FBXO3: variants seen among roughly 807,000 people sequenced by gnomAD.
FBXO3 encodes the protein F-box only protein 3.
Under a neutral mutation model 64.8 loss-of-function variants are expected in FBXO3, and 17 were observed. The observed-to-expected ratio is 0.26, with a 90% CI of 0.18 to 0.39. The LOEUF is 0.39. FBXO3 is among the 10% of genes least tolerant of loss of function. The pLI is 1.00. For missense variants in FBXO3, 420 were observed against 589.9 expected (o/e 0.71, Z 2.98); for synonymous variants, 182 against 201.6 (o/e 0.90, Z 0.82).
intron 2 of FBXO3, among the ~76,000 whole-genome samples, chr11:33,769,950 G>C (rs1855473131): frequency 7.0e-6 from 1 of 142,406 alleles, no homozygotes; most frequent in Non-Finnish European, 1.5e-5. Flanking sequence ...AAACTAAAAA[G>C]TATCAAAGAA....
Position 33,741,829 on chromosome 11 carries a change from C to T in FBXO3, c.*79G>A, listed in dbSNP as rs554787968. 8.6e-6 allele frequency: 12 copies of T among 1,390,806 alleles called. No homozygotes were observed. The highest frequency in any genetic ancestry group is 2.1e-4 in the Middle Eastern group (1 of 4,788). 86.2% of individuals were successfully genotyped at this position (1,390,806 alleles called of 1,614,324 possible). ...TAGTTTTCCTGCTATATGCAGAGAA[C>T]AATTTAGTTATTTACATTATTGAGA... On this transcript the variant is annotated 3_prime_UTR_variant, in exon 11 of 11. Coordinates refer to ENST00000265651, the MANE Select transcript of FBXO3 (RefSeq NM_012175.4).
chr11:33,768,670 G>A, intron 3 of FBXO3, 181 bp downstream of exon 3: 1 of 627,436 alleles, frequency 1.6e-6, no homozygotes, highest in Non-Finnish European at 2.8e-6. Context: ...CCAAGGATGA[G>A]AAAAAACAGG....
chr11:33,748,357 G>A (rs1854869519), intron 9 of FBXO3, among the ~76,000 whole-genome samples: 2 of 152,176 alleles, frequency 1.3e-5, no homozygotes, highest in South Asian at 4.1e-4. Flanking sequence ...TGAAGCATCT[G>A]AGGGCTCAGA....
chr11:33,770,126 T>C (rs545250768), intron 2 of FBXO3, among the ~76,000 whole-genome samples: 30 of 152,298 alleles, frequency 2.0e-4, no homozygotes, highest in South Asian at 1.0e-3. Context: ...CGGGAAGATC[T>C]AGCAATACTT....
intron 10 of FBXO3, chr11:33,744,764 A>G (rs1854773588): frequency 6.6e-6 from 1 of 152,238 alleles, no homozygotes; most frequent in Non-Finnish European, 1.5e-5. Context: ...AGAGCTGAAC[A>G]TGAAATGGGT....
chr11:33,770,782 C>T lies in FBXO3; in HGVS notation c.153G>A (p.Pro51=), dbSNP rs991609180. Residue 51 remains proline, a synonymous_variant, in exon 2 of 11, where the codon CCG becomes CCA. Transcript: ENST00000265651. ...ATTTTTTGCAATGTCTTCTCCACAG[C>T]GGATCATGACTTGATAGCTGGCTAA... is the stretch of plus-strand genomic sequence containing the variant. ...RRLSQLSSHD[P]LWRRHCKKYW... is the part of the protein sequence containing the mutation. 2.9e-5 allele frequency: 46 copies of T among 1,611,200 alleles called. 1 individual carries two copies. The highest frequency in any genetic ancestry group is 3.3e-4 in the Middle Eastern group (2 of 6,046).
intron 3 of FBXO3, among the ~76,000 whole-genome samples, chr11:33,762,761 G>A (rs1441320612): frequency 2.7e-5 from 4 of 148,916 alleles, no homozygotes; most frequent in South Asian, 2.1e-4. Context: ...AATTCAAAGC[G>A]AAGACATCAA....
At chr11:33,755,712 C>A in intron 5 of FBXO3, 59 bp downstream of exon 5, 1 of 1,240,276 alleles carries the variant, frequency 8.1e-7, no homozygotes. Flanking sequence ...CTAATGCATG[C>A]ATTTATACAA....
chr11:33,772,524 T>G (rs1170537168), intron 1 of FBXO3: 2 of 152,284 alleles, frequency 1.3e-5, no homozygotes, highest in Non-Finnish European at 2.9e-5. Flanking sequence ...CACCAGGCCA[T>G]GCTGTTGAAC....
intron 3 of FBXO3, among the ~76,000 whole-genome samples, chr11:33,765,074 T>C (rs752432848): frequency 1.1e-4 from 16 of 152,208 alleles, no homozygotes; most frequent in Non-Finnish European, 2.4e-4. Context: ...TGCAATGTGG[T>C]ATTCCGGACT....
chr11:33,753,050 T>C (rs1011736215), intron 6 of FBXO3: 14 of 152,234 alleles, frequency 9.2e-5, no homozygotes, highest in Admixed American at 7.9e-4. Flanking sequence ...TTTTGTGTGT[T>C]ACCAGTCTAA....
At chr11:33,757,100 A>T (rs1277407616) in intron 4 of FBXO3, 1 of 517,232 alleles carries the variant, frequency 1.9e-6, no homozygotes, top group Non-Finnish European at 3.9e-6. Flanking sequence ...TACTCATTCA[A>T]CCCTCATCTG....
chr11:33,771,215 T>C (rs976623836), intron 1 of FBXO3: 24 of 154,058 alleles, frequency 1.6e-4, no homozygotes, highest in Non-Finnish European at 2.6e-4. Context: ...TGGGGTTTTT[T>C]CCCAAGATCT....
At chr11:33,746,370 C>A (rs1023711416) in intron 10 of FBXO3, 2 of 344,044 alleles carry the variant, frequency 5.8e-6, no homozygotes, top group Admixed American at 4.5e-5. Flanking sequence ...CAGGTAATGG[C>A]CCAAAGTCTC....
At chr11:33,770,025 T>C in intron 2 of FBXO3, among the ~76,000 whole-genome samples, 1 of 152,184 alleles carries the variant, frequency 6.6e-6, no homozygotes. Flanking sequence ...TAGGTATTTC[T>C]AGAAGTTACC....
At chr11:33,749,408 G>A (rs1177739439) in intron 8 of FBXO3, among the ~76,000 whole-genome samples, 2 of 148,244 alleles carry the variant, frequency 1.3e-5, no homozygotes, top group East Asian at 3.9e-4. Flanking sequence ...CACCCAGGCT[G>A]GAGTGCACTG....
chr11:33,755,729 G>C, intron 5 of FBXO3, 42 bp downstream of exon 5: 1 of 1,418,840 alleles, frequency 7.0e-7, no homozygotes, highest in East Asian at 2.3e-5. Flanking sequence ...ACAACCATCA[G>C]AACACATCTT....
intron 2 of FBXO3, among the ~76,000 whole-genome samples, chr11:33,769,854 GTTT>G (rs35225091): frequency 0.027 from 3,411 of 124,088 alleles, 135 homozygotes; most frequent in African/African-American, 0.081. Flanking sequence ...CTCAGGGTGG[GTTT>G]TTTTTTTTTT....
intron 2 of FBXO3, among the ~76,000 whole-genome samples, chr11:33,769,352 G>A (rs1434711978): frequency 6.6e-6 from 1 of 151,846 alleles, no homozygotes; most frequent in Non-Finnish European, 1.5e-5. Context: ...AAGGCATTAT[G>A]TATTGTTTTA....
Sources: allele counts gnomAD v4.1 joint callset (sites outside exome capture counted in the v4.1 genomes callset), GRCh38; gene constraint gnomAD v4.1.1; transcripts MANE v1.5; gene names NCBI Gene and HGNC (gene_info 2026-07-23, HGNC 2026-07-21).